LRBA: variants seen among roughly 807,000 people sequenced by gnomAD.
LRBA encodes the protein LPS responsive beige-like anchor protein.
Under a neutral mutation model 330.0 loss-of-function variants are expected in LRBA, and 176 were observed. The observed-to-expected ratio is 0.53, with a 90% CI of 0.47 to 0.60. The LOEUF is 0.60. Among genes scored for constraint, LRBA ranks in the 20% least tolerant of loss-of-function variants. The pLI is 0.00. For synonymous variants in LRBA, 1,230 were observed against 1,193.0 expected, an observed-to-expected ratio of 1.03 and a Z score of -0.64; for missense variants, 3,259 against 3,444.8, an observed-to-expected ratio of 0.95 and a Z score of 1.35.
rs143444333 is a variant in LRBA, at chr4:150,846,302, G to A, written c.4340-1523C>T. ...TCCCAGCACTTTGGGAGGCCGAGGC[G>A]GGGGGATCACAAGGTCAGGAGATCG... is the stretch of plus-strand genomic sequence containing the variant. On this transcript the variant is annotated intron_variant, in intron 26 of 56. Transcript: ENST00000651943. Among the ~76,000 whole-genome samples the A allele has an allele frequency of 5.2e-3, 793 of 152,080 alleles. 7 individuals are homozygous for A. The highest frequency in any genetic ancestry group is 0.019 in the East Asian group (98 of 5,162).
intron 40 of LRBA, among the ~76,000 whole-genome samples, chr4:150,535,058 T>C (rs1764499495): frequency 6.6e-6 from 1 of 152,192 alleles, no homozygotes; most frequent in Non-Finnish European, 1.5e-5. Flanking sequence ...ATTTTAATGT[T>C]TTTATATTTA....
At chr4:150,677,714 G>A (rs1460848570) in intron 37 of LRBA, among the ~76,000 whole-genome samples, 2 of 151,752 alleles carry the variant, frequency 1.3e-5, no homozygotes, top group East Asian at 1.9e-4. Flanking sequence ...TGAAGTGGGA[G>A]GATTACTTGA....
chr4:150,982,181 G>A (rs942831008), intron 2 of LRBA, among the ~76,000 whole-genome samples: 9 of 152,118 alleles, frequency 5.9e-5, no homozygotes, highest in African/African-American at 1.9e-4. Context: ...TTAGAGATGA[G>A]AGACAGTAGT....
chr4:150,483,893 T>C (rs1451242112), intron 42 of LRBA, among the ~76,000 whole-genome samples: 2 of 152,110 alleles, frequency 1.3e-5, no homozygotes, highest in African/African-American at 4.8e-5. Flanking sequence ...TTTGATAGTA[T>C]TTAAACACTA....
chr4:150,749,589 C>T lies in LRBA; in HGVS notation c.5645+12194G>A, dbSNP rs867729332. On this transcript the variant is annotated intron_variant, in intron 35 of 56. Transcript: ENST00000651943. ...TGGACAACATAGCAAGTCCCTATCTCTACCCAAAAAAAAAATAATAATAAT... is the reference window on the plus strand; with the variant it reads ...TGGACAACATAGCAAGTCCCTATCTTTACCCAAAAAAAAAATAATAATAAT... Among the ~76,000 whole-genome samples, 14 of 151,890 alleles carry T rather than the reference C, an allele frequency of 9.2e-5. No individual in the cohort carries two copies. The South Asian group carries it at 2.9e-3, about 32-fold the overall frequency.
chr4:150,416,771 G>A (rs955574217), intron 46 of LRBA, among the ~76,000 whole-genome samples: 4 of 151,962 alleles, frequency 2.6e-5, no homozygotes, highest in Admixed American at 2.0e-4. Flanking sequence ...ACAGGTGTGT[G>A]TTATTTTATG....
At chr4:150,290,978 T>C (rs1298024300) in intron 53 of LRBA, among the ~76,000 whole-genome samples, 2 of 152,094 alleles carry the variant, frequency 1.3e-5, no homozygotes, top group African/African-American at 4.8e-5. Flanking sequence ...TATTATACTT[T>C]AAGTTTTAGG....
intron 37 of LRBA, among the ~76,000 whole-genome samples, chr4:150,619,072 T>A (rs1294077701): frequency 6.6e-6 from 1 of 152,092 alleles, no homozygotes; most frequent in African/African-American, 2.4e-5. Context: ...AGTCATTATT[T>A]CTAAGTTTTA....
intron 40 of LRBA, among the ~76,000 whole-genome samples, chr4:150,526,891 C>T (rs13137465): frequency 0.7 from 105,933 of 151,836 alleles, 38,181 homozygotes; most frequent in East Asian, 0.79. Flanking sequence ...GTCTCAAAAA[C>T]ATATTTTTAT....
At chr4:150,644,023 T>C (rs1462819115) in intron 37 of LRBA, among the ~76,000 whole-genome samples, 3 of 151,912 alleles carry the variant, frequency 2.0e-5, no homozygotes, top group Non-Finnish European at 2.9e-5. Flanking sequence ...ATGTCACACA[T>C]ATAGCCATAC....
At chr4:150,903,723 G>A (rs1247779747) in intron 13 of LRBA, among the ~76,000 whole-genome samples, 3 of 152,058 alleles carry the variant, frequency 2.0e-5, no homozygotes, top group Non-Finnish European at 4.4e-5. Context: ...GAGACCCTGC[G>A]TCAAAAAAAT....
intron 31 of LRBA, among the ~76,000 whole-genome samples, chr4:150,810,991 A>T (rs542249420): frequency 1.3e-5 from 2 of 152,322 alleles, no homozygotes; most frequent in Admixed American, 1.3e-4. Flanking sequence ...TAAAATTTCA[A>T]ATTAGAGGGC....
intron 9 of LRBA, 100 bp from the exon 10 acceptor site, chr4:150,908,957 T>A: frequency 4.0e-6 from 3 of 741,912 alleles, no homozygotes; most frequent in Non-Finnish European, 6.5e-6. Flanking sequence ...CCATTGATAA[T>A]CTTTTAACAG....
chr4:150,508,133 G>A (rs921656466), intron 40 of LRBA, among the ~76,000 whole-genome samples: 11 of 145,138 alleles, frequency 7.6e-5, no homozygotes, highest in African/African-American at 1.3e-4. Flanking sequence ...GCTAAATGAC[G>A]AGTTAATGGG....
chr4:150,424,426 T>C (rs1749265884), intron 46 of LRBA, among the ~76,000 whole-genome samples: 1 of 152,214 alleles, frequency 6.6e-6, no homozygotes, highest in Non-Finnish European at 1.5e-5. Context: ...CTATTAAATA[T>C]TGAAATAAAT....
chr4:150,648,175 A>AAAAAAAAAAAAC (rs1561468460), intron 37 of LRBA, among the ~76,000 whole-genome samples: 2 of 146,324 alleles, frequency 1.4e-5, no homozygotes, highest in African/African-American at 4.9e-5. Flanking sequence ...AAAAAAAAAA[A>AAAAAAAAAAAAC]AACTAGAAAA....
rs141595160 is a variant in LRBA at position 150,340,341 on chromosome 4, A to C, written c.7362+9651T>G. On this transcript the variant is annotated intron_variant, in intron 48 of 56. Coordinates refer to ENST00000651943, the MANE Select transcript of LRBA (RefSeq NM_001364905.1). The stretch of plus-strand genomic sequence containing the variant: ...ATGAACATTTTAATAATTGATACAG[A>C]TTGCTATAAAGATTCAACCTATTTT... Among the ~76,000 whole-genome samples the C allele has an allele frequency of 1.5e-4, 23 of 152,340 alleles. No individual in the cohort carries two copies. In the East Asian group the frequency reaches 4.2e-3, roughly 28 times the overall value.
At chr4:150,888,745 T>C (rs908738058) in intron 17 of LRBA, among the ~76,000 whole-genome samples, 2 of 151,924 alleles carry the variant, frequency 1.3e-5, no homozygotes, top group Non-Finnish European at 2.9e-5. Context: ...CTGGGATAAA[T>C]AGAAAACAAA....
At chr4:150,793,723 A>G (rs1180983975) in intron 34 of LRBA, among the ~76,000 whole-genome samples, 1 of 152,184 alleles carries the variant, frequency 6.6e-6, no homozygotes, top group Non-Finnish European at 1.5e-5. Flanking sequence ...TCTGCACAAT[A>G]CCTCATTTAG....
Sources: allele counts gnomAD v4.1 joint callset (sites outside exome capture counted in the v4.1 genomes callset), GRCh38; gene constraint gnomAD v4.1.1; transcripts MANE v1.5; gene names NCBI Gene and HGNC (gene_info 2026-07-23, HGNC 2026-07-21).